Variants in ECI1 observed in about 807,000 individuals in gnomAD.
ECI1 encodes enoyl-CoA delta isomerase 1.
ECI1 carries 34 observed loss-of-function variants against 34.2 expected under a neutral mutation model. The observed-to-expected ratio is 1.00, with a 90% CI of 0.76 to 1.33. The LOEUF is 1.33. Ranked by LOEUF, ECI1 falls within the 40% of genes most tolerant of loss-of-function variation. ECI1 has a pLI of 0.00. For synonymous variants in ECI1, 211 were observed against 193.0 expected (o/e 1.09, Z -0.77); for missense variants, 456 against 422.2 (o/e 1.08, Z -0.70).
At chr16:2,247,506 G>A (rs774505733) in intron 2 of ECI1, among the ~76,000 whole-genome samples, 2 of 151,780 alleles carry the variant, frequency 1.3e-5, no homozygotes, top group Admixed American at 6.6e-5. Flanking sequence ...CAAGCGATTC[G>A]ACTGCCTCAG....
intron 6 of ECI1, 118 bp downstream of exon 6, chr16:2,242,928 C>A: frequency 1.2e-6 from 1 of 820,764 alleles, no homozygotes; most frequent in Non-Finnish European, 2.0e-6. Context: ...TCCTGACACC[C>A]ACATGGCTGT....
chr16:2,242,574 AAG>A (rs760326713), intron 6 of ECI1: 14 of 185,218 alleles, frequency 7.6e-5, no homozygotes, highest in Non-Finnish European at 1.1e-4. Flanking sequence ...CTTATTTGGA[AAG>A]AGTCTCTGCA....
intron 3 of ECI1, among the ~76,000 whole-genome samples, chr16:2,246,109 G>A (rs1029563529): frequency 1.3e-4 from 20 of 152,158 alleles, no homozygotes; most frequent in East Asian, 3.9e-4. Context: ...GCCAATGCCC[G>A]CTTCTCCTCA....
chr16:2,250,218 C>T (rs547556537), intron 2 of ECI1, among the ~76,000 whole-genome samples: 1 of 142,248 alleles, frequency 7.0e-6, no homozygotes, highest in South Asian at 2.3e-4. Context: ...GAGATTGCGC[C>T]ACTGCACTCC....
Position 2,244,529 on chromosome 16 carries a change from G to A in ECI1, c.318C>T (p.Ala106=), listed in dbSNP as rs369319156. Residue 106 remains alanine, a synonymous_variant, in exon 4 of 7, where the codon GCC becomes GCT. Coordinates refer to ENST00000301729, the MANE Select transcript of ECI1 (RefSeq NM_001919.4). ...CACACATCTCCGTCAGGTCCAGGCC[G>A]GCCGAGAAGACACCCGGGCGGTCCT... ...LTSDRPGVFS[A]GLDLTEMCGR... 16 of 1,593,346 alleles carry A rather than the reference G, an allele frequency of 1.0e-5. No individual in the cohort carries two copies. Among genetic ancestry groups the A allele is most frequent in the Middle Eastern group, 1.7e-4 (1 of 6,052 alleles).
chr16:2,243,355 G>C lies in ECI1; in HGVS notation c.526C>G (p.Leu176Val). The C allele has an allele frequency of 6.2e-7, 1 of 1,613,792 alleles. No individual in the cohort carries two copies. The highest frequency in any genetic ancestry group is 8.5e-7 in the Non-Finnish European group (1 of 1,180,040). Residue 176 changes from leucine to valine, a missense_variant, in exon 5 of 7, where the codon CTC becomes GTC. Leu to Val is a conservative substitution (Grantham distance 32, BLOSUM62 1). Coordinates refer to ENST00000301729, the MANE Select transcript of ECI1 (RefSeq NM_001919.4). ...LADNPRYCIGLNETQLGIIAP... is the reference protein window; with the variant it reads ...LADNPRYCIGVNETQLGIIAP... ...ATGATGCCCAGCTGGGTCTCATTGAGTCCTATGCAGTACCTGGGGTTGTCC... is the reference window on the plus strand; with the variant it reads ...ATGATGCCCAGCTGGGTCTCATTGACTCCTATGCAGTACCTGGGGTTGTCC...
intron 2 of ECI1, among the ~76,000 whole-genome samples, chr16:2,249,966 C>T (rs1356326811): frequency 3.4e-5 from 5 of 145,818 alleles, no homozygotes; most frequent in East Asian, 2.0e-4. Context: ...GAGCCGGAAC[C>T]GCGCCATTGC....
chr16:2,246,480 C>T (rs994627071), intron 3 of ECI1, among the ~76,000 whole-genome samples: 10 of 152,288 alleles, frequency 6.6e-5, no homozygotes, highest in African/African-American at 2.2e-4. Flanking sequence ...GCCTGGACGA[C>T]GGCCCGGGCA....
chr16:2,251,536 C>T lies in ECI1; in HGVS notation c.31G>A (p.Ala11Thr), dbSNP rs1288260579. The T allele has an allele frequency of 6.4e-7, 1 of 1,560,514 alleles. No homozygotes were observed. The highest frequency in any genetic ancestry group is 8.7e-7 in the Non-Finnish European group (1 of 1,153,580). ...GCACCCGCGCGGAGCAGAACGCGCG[C>T]CGGGACTCGCACAGAAGCCACCAGC... MALVASVRVPARVLLRAGARL... is the reference protein window; with the variant it reads MALVASVRVPTRVLLRAGARL... The change falls in exon 1 of 7, where the codon GCG becomes ACG. Residue 11 changes from alanine (A) to threonine (T), a missense_variant. Physicochemically the swap from Ala to Thr is moderately conservative, Grantham distance 58. Coordinates refer to ENST00000301729, the MANE Select transcript of ECI1 (RefSeq NM_001919.4).
At chr16:2,244,078 A>G (rs958211233) in intron 4 of ECI1, 1 of 417,322 alleles carries the variant, frequency 2.4e-6, no homozygotes, top group African/African-American at 2.0e-5. Context: ...CCCAGAAGGG[A>G]TGGAGTGATG....
At chr16:2,246,419 A>G (rs1451497727) in intron 3 of ECI1, among the ~76,000 whole-genome samples, 2 of 152,160 alleles carry the variant, frequency 1.3e-5, no homozygotes, top group African/African-American at 2.4e-5. Flanking sequence ...AGGTGACCCC[A>G]TAGATGCATG....
rs746451005 is a variant in ECI1, at chr16:2,240,113, G to A, written c.775C>T (p.Arg259Ter). The A allele has an allele frequency of 8.1e-6, 13 of 1,613,726 alleles. No individual in the cohort carries two copies. The highest frequency in any genetic ancestry group is 3.3e-5 in the South Asian group (3 of 91,088). ...HARQLTKAMM[R>*]KATASRLVTQ... ...ACCAGGCGGCTGGCCGTGGCCTTTC[G>A]CATCATGGCCTTGGTCAGCTGTCGA... Residue 259 changes from arginine to a stop codon, truncating the protein, a stop_gained, in exon 7 of 7, where the codon CGA becomes TGA. Transcript: ENST00000301729. LOFTEE classifies it high-confidence loss of function.
intron 6 of ECI1, 89 bp downstream of exon 6, chr16:2,242,957 G>A (rs867558765): frequency 8.1e-5 from 83 of 1,029,580 alleles, no homozygotes; most frequent in East Asian, 5.4e-4. Context: ...ACAGTCTCCC[G>A]AAGTCACGAT....
chr16:2,249,876 CAAAAAAAAAAAAAA>C (rs869259386), intron 2 of ECI1, among the ~76,000 whole-genome samples: 39 of 20,348 alleles, frequency 1.9e-3, no homozygotes, highest in Non-Finnish European at 4.6e-4. Flanking sequence ...GACTCCGTCT[CAAAAAAAAAAAAAA>C]AAAAAAAAAA....
intron 2 of ECI1, among the ~76,000 whole-genome samples, chr16:2,248,791 G>A (rs1281600344): frequency 1.3e-5 from 2 of 152,128 alleles, no homozygotes; most frequent in Non-Finnish European, 2.9e-5. Flanking sequence ...AACTATCGCC[G>A]CTGCCTAGTT....
chr16:2,240,995 A>G (rs1314707666), intron 6 of ECI1: 1 of 151,956 alleles, frequency 6.6e-6, no homozygotes, highest in Admixed American at 6.6e-5. Context: ...GCGCCCAGCG[A>G]CTTAACGTGT....
At chr16:2,250,990 TG>T (rs2093551949) in intron 2 of ECI1, among the ~76,000 whole-genome samples, 1 of 152,142 alleles carries the variant, frequency 6.6e-6, no homozygotes, top group African/African-American at 2.4e-5. Context: ...TTTTTTCTTT[TG>T]TATTTTTCAG....
chr16:2,240,119 T>A lies in ECI1; in HGVS notation c.769A>T (p.Met257Leu), dbSNP rs1018390277. The change falls in exon 7 of 7, where the codon ATG becomes TTG. Residue 257 changes from methionine (M) to leucine (L), a missense_variant. By Grantham distance (15) the Met-to-Leu change is conservative. Coordinates refer to ENST00000301729, the MANE Select transcript of ECI1 (RefSeq NM_001919.4). ...PDHARQLTKA[M>L]MRKATASRLV... ...CGGCTGGCCGTGGCCTTTCGCATCA[T>A]GGCCTTGGTCAGCTGTCGAGCATGG... 4.3e-6 allele frequency: 7 copies of A among 1,613,768 alleles called. No homozygotes were observed. In the African/African-American group the frequency reaches 6.7e-5, roughly 15 times the overall value.
In ECI1 at chr16:2,251,387, G is replaced by A; in HGVS notation, c.95C>T (p.Ala32Val). 3 of 1,266,202 alleles carry A rather than the reference G, an allele frequency of 2.4e-6. No homozygotes were observed. Among genetic ancestry groups the A allele is most frequent in the Non-Finnish European group, 3.0e-6 (3 of 1,008,668 alleles). The allele number at this position is 1,266,202 out of a possible 1,614,324, so 78.4% of individuals were successfully genotyped here. ...PGAALGRTER[A>V]AGGGDGARRF... ...CCGCGCGCCGTCTCCGCCGCCGGCC[G>A]CCCGCTCCGTCCGCCCGAGGGCCGC... The change falls in exon 2 of 7, where the codon GCG (alanine) becomes GTG (valine). Residue 32 changes from alanine to valine, a missense_variant. Physicochemically the swap from Ala to Val is moderately conservative, Grantham distance 64. Transcript: ENST00000301729.
Sources: allele counts gnomAD v4.1 joint callset (sites outside exome capture counted in the v4.1 genomes callset), GRCh38; gene constraint gnomAD v4.1.1; transcripts MANE v1.5; gene names NCBI Gene and HGNC (gene_info 2026-07-23, HGNC 2026-07-21).